The following LMO3 variants were observed in gnomAD, a reference collection of about 807,000 sequenced individuals.
The protein encoded by LMO3 is LIM domain only 3, also known as LIM domain only protein 3.
Under a neutral mutation model 15.8 loss-of-function variants are expected in LMO3, and 2 were observed. The ratio of observed to expected loss-of-function variants is 0.13; its 90% CI spans 0.05 to 0.40. LMO3 has a LOEUF of 0.40. Ranked by LOEUF, LMO3 falls within the 10% of genes least tolerant of loss-of-function variation. The probability of loss-of-function intolerance (pLI) is 0.99; values close to 1 mark genes in which losing one functional copy is unlikely to be tolerated. For missense variants in LMO3, 86 were observed against 182.2 expected (o/e 0.47, Z 3.04); for synonymous variants, 62 against 63.8 (o/e 0.97, Z 0.13).
chr12:16,572,339 CTTTTTT>C (rs59773866), intron 2 of LMO3, among the ~76,000 whole-genome samples: 579 of 89,534 alleles, frequency 6.5e-3, no homozygotes, highest in Non-Finnish European at 7.2e-3. Flanking sequence ...GGTCCAAACT[CTTTTTT>C]TTTTTTTTTT....
intron 1 of LMO3, 124 bp from the exon 2 acceptor site, chr12:16,600,992 T>C (rs1030889139): frequency 5.5e-6 from 4 of 724,532 alleles, no homozygotes; most frequent in Non-Finnish European, 8.7e-6. Flanking sequence ...TTTAGGGCTA[T>C]ACTGAAATCA....
chr12:16,575,248 C>T (rs554243716), intron 2 of LMO3, among the ~76,000 whole-genome samples: 29 of 152,160 alleles, frequency 1.9e-4, no homozygotes, highest in African/African-American at 7.0e-4. Flanking sequence ...AAAATGGAAG[C>T]TTTGTTTATC....
intron 1 of LMO3, 45 bp from the exon 2 acceptor site, chr12:16,600,913 A>G (rs762079154): frequency 2.2e-6 from 3 of 1,341,006 alleles, no homozygotes; most frequent in Admixed American, 3.8e-5. Context: ...ACTACCAGAC[A>G]GAATAAAAAG....
Position 16,605,791 on chromosome 12 carries a change from G to T in LMO3, c.-9+275C>A, listed in dbSNP as rs1158355308. The T allele has an allele frequency of 2.6e-6, 4 of 1,535,436 alleles. No individual in the cohort carries two copies. In the South Asian group the frequency reaches 4.8e-5, roughly 18 times the overall value. ...ACTTGAGACGTTCCGCGCCGCAGCC[G>T]CTCTCCCTCCTTCCATCAACATCTT... On this transcript the variant is annotated intron_variant, in intron 1 of 3. Coordinates refer to ENST00000537304, the MANE Select transcript of LMO3 (RefSeq NM_018640.5).
chr12:16,603,653 A>G lies in LMO3; in HGVS notation c.-9+2413T>C, dbSNP rs935622661. On this transcript the variant is annotated intron_variant, in intron 1 of 3. Transcript: ENST00000537304. The surrounding 1 kb of genome is among the most constrained non-coding windows in gnomAD (Gnocchi z 4.9). ...TAATAGCCTGTGCAGTGTGGTGTGC[A>G]GAAATAAGTAGAACCATTTCATTTA... 1.3e-5 allele frequency among the ~76,000 whole-genome samples: 2 copies of G among 152,234 alleles called. No homozygotes were observed. The highest frequency in any genetic ancestry group is 4.8e-5 in the African/African-American group (2 of 41,468).
intron 2 of LMO3, among the ~76,000 whole-genome samples, chr12:16,562,069 ATATT>A (rs1321167282): frequency 6.6e-6 from 1 of 152,196 alleles, no homozygotes; most frequent in Non-Finnish European, 1.5e-5. Flanking sequence ...TTGATAAATA[ATATT>A]TATTTAAAAA....
At position 16,604,394 on chromosome 12, in the gene LMO3, T is replaced by A. The variant is rs1943922273; in HGVS notation, c.-9+1672A>T. 6.7e-6 allele frequency among the ~76,000 whole-genome samples: 1 copy of A among 150,034 alleles called. No homozygotes were observed. Among genetic ancestry groups the A allele is most frequent in the Admixed American group, 6.6e-5 (1 of 15,064 alleles). ...TTTGAGCAATGGAGCTGGGAACCAATTTGATTCCCTTTTTCTCCAATGCAG... is the reference window on the plus strand; with the variant it reads ...TTTGAGCAATGGAGCTGGGAACCAAATTGATTCCCTTTTTCTCCAATGCAG... On this transcript the variant is annotated intron_variant, in intron 1 of 3. Coordinates refer to ENST00000537304, the MANE Select transcript of LMO3 (RefSeq NM_018640.5). The surrounding 1 kb of genome is among the most constrained non-coding windows in gnomAD (Gnocchi z 5.3).
In LMO3 at chr12:16,586,570, T is replaced by C. The variant is rs770533690; in HGVS notation, c.206+14085A>G. Among the ~76,000 whole-genome samples, 1 of 152,206 alleles carries C rather than the reference T, an allele frequency of 6.6e-6. No homozygotes were observed. Among genetic ancestry groups the C allele is most frequent in the Non-Finnish European group, 1.5e-5 (1 of 68,032 alleles). Reference sequence around the variant, plus strand: ...GGCCAACTGAATTCTGGAGGACATATGCAAAGACACTGCATTTCATCTTTG... The same window carrying C: ...GGCCAACTGAATTCTGGAGGACATACGCAAAGACACTGCATTTCATCTTTG... On this transcript the variant is annotated intron_variant, in intron 2 of 3. Transcript: ENST00000537304. This position sits in a 1 kb window ranked among gnomAD's most constrained non-coding sequence, Gnocchi z 4.3.
At chr12:16,558,341 A>G (rs1942268465) in intron 3 of LMO3, among the ~76,000 whole-genome samples, 1 of 152,036 alleles carries the variant, frequency 6.6e-6, no homozygotes, top group Admixed American at 6.5e-5. Flanking sequence ...TGAATATGTA[A>G]TCTTTTATAA....
At position 16,560,309 on chromosome 12, in the gene LMO3, A is replaced by T. The variant is rs1388474785; in HGVS notation, c.332+104T>A. 19 of 1,274,078 alleles carry T rather than the reference A, an allele frequency of 1.5e-5. No individual in the cohort carries two copies. The highest frequency in any genetic ancestry group is 2.0e-5 in the Non-Finnish European group (19 of 930,272). 78.9% of individuals were successfully genotyped at this position (1,274,078 alleles called of 1,614,324 possible). A position where few individuals can be genotyped will look rare whatever the true frequency, so the allele number is the denominator to read the frequency against. Reference sequence around the variant, plus strand: ...AAGTTTACAGAACAGAAAAACGCTGAGATTGATTGCTTTAAATGTATGAAT... The same window carrying T: ...AAGTTTACAGAACAGAAAAACGCTGTGATTGATTGCTTTAAATGTATGAAT... On this transcript the variant is annotated intron_variant, in intron 3 of 3. Coordinates refer to ENST00000537304, the MANE Select transcript of LMO3 (RefSeq NM_018640.5). This position sits in a 1 kb window ranked among gnomAD's most constrained non-coding sequence, Gnocchi z 5.0.
chr12:16,549,249 A>G lies in LMO3; in HGVS notation c.*1973T>C, dbSNP rs1040947150. The G allele has an allele frequency of 6.6e-6, 1 of 152,120 alleles. No individual in the cohort carries two copies. Among genetic ancestry groups the G allele is most frequent in the Non-Finnish European group, 1.5e-5 (1 of 68,008 alleles). The allele number at this position is 152,120 out of a possible 1,614,324, so 9.4% of individuals were successfully genotyped here. ...TCCTTTCTCTTCATGAAACAAGTGTAAGGCTCTAAGGCTAAAATAATAGTT... is the reference window on the plus strand; with the variant it reads ...TCCTTTCTCTTCATGAAACAAGTGTGAGGCTCTAAGGCTAAAATAATAGTT... On this transcript the variant is annotated 3_prime_UTR_variant, in exon 4 of 4. Transcript: ENST00000537304.
chr12:16,577,861 T>C (rs11609535), intron 2 of LMO3, among the ~76,000 whole-genome samples: 31,995 of 152,120 alleles, frequency 0.21, 3,716 homozygotes, highest in African/African-American at 0.31. Flanking sequence ...TCTAAATGTG[T>C]CACCTAATTA....
Position 16,594,344 on chromosome 12 carries a change from A to G in LMO3, c.206+6311T>C. 4 of 1,360,950 alleles carry G rather than the reference A, an allele frequency of 2.9e-6. No homozygotes were observed. In the Admixed American group the frequency reaches 8.4e-5, roughly 29 times the overall value. The allele number at this position is 1,360,950 out of a possible 1,614,324, so 84.3% of individuals were successfully genotyped here. On this transcript the variant is annotated intron_variant, in intron 2 of 3. Transcript: ENST00000537304. ...TTATAAGCCAATTAAACTAAAAAAT[A>G]AAAAAGAAAGAAAAAGGCCATTTAT...
intron 1 of LMO3, chr12:16,601,881 A>G (rs1217838820): frequency 1.3e-5 from 2 of 152,280 alleles, no homozygotes; most frequent in East Asian, 3.9e-4. Context: ...TTTCCTAGGT[A>G]TTAAAACACC....
At position 16,585,605 on chromosome 12, in the gene LMO3, G is replaced by A. The variant is rs1464311392; in HGVS notation, c.206+15050C>T. Among the ~76,000 whole-genome samples, 1 of 152,078 alleles carries A rather than the reference G, an allele frequency of 6.6e-6. No individual in the cohort carries two copies. Among genetic ancestry groups the A allele is most frequent in the African/African-American group, 2.4e-5 (1 of 41,408 alleles). ...GCATCTCTCATGCATCAGGCCCTAT[G>A]TTCCCACCTGTATTTTCTTTCCGTT... On this transcript the variant is annotated intron_variant, in intron 2 of 3. Coordinates refer to ENST00000537304, the MANE Select transcript of LMO3 (RefSeq NM_018640.5). The surrounding 1 kb of genome is among the most constrained non-coding windows in gnomAD (Gnocchi z 4.7).
intron 3 of LMO3, 77 bp from the exon 4 acceptor site, chr12:16,551,404 A>AT: frequency 1.1e-6 from 1 of 889,966 alleles, no homozygotes; most frequent in South Asian, 1.4e-5. Flanking sequence ...TTATTTTCCT[A>AT]TTAATAGTTT....
rs919861087 is a variant in LMO3 at position 16,599,432 on chromosome 12, A to T, written c.206+1223T>A. 1 of 152,200 alleles carries T rather than the reference A, an allele frequency of 6.6e-6. No individual in the cohort carries two copies. Among genetic ancestry groups the T allele is most frequent in the African/African-American group, 2.4e-5 (1 of 41,450 alleles). 9.4% of individuals were successfully genotyped at this position (152,200 alleles called of 1,614,324 possible). A position where few individuals can be genotyped will look rare whatever the true frequency, so the allele number is the denominator to read the frequency against. On this transcript the variant is annotated intron_variant, in intron 2 of 3. Coordinates refer to ENST00000537304, the MANE Select transcript of LMO3 (RefSeq NM_018640.5). The surrounding 1 kb of genome is among the most constrained non-coding windows in gnomAD (Gnocchi z 4.1). ...ACCATTAATCAAATGATATATTTTT[A>T]TATCTAAAGATTGGATCTGACTGAA...
rs765247718 is a variant in LMO3, at chr12:16,550,174, T to C, written c.*1048A>G. 8 of 152,106 alleles carry C rather than the reference T, an allele frequency of 5.3e-5. No individual in the cohort carries two copies. The highest frequency in any genetic ancestry group is 8.8e-5 in the Non-Finnish European group (6 of 67,942). 9.4% of individuals were successfully genotyped at this position (152,106 alleles called of 1,614,324 possible). A position where few individuals can be genotyped will look rare whatever the true frequency, so the allele number is the denominator to read the frequency against. On this transcript the variant is annotated 3_prime_UTR_variant, in exon 4 of 4. Coordinates refer to ENST00000537304, the MANE Select transcript of LMO3 (RefSeq NM_018640.5). ...ACCATCATAGCTTCAATGTGCATTA[T>C]AGTGATTTCAGTAGATTCACACTCA...
At chr12:16,579,394 G>T (rs1943091425) in intron 2 of LMO3, among the ~76,000 whole-genome samples, 1 of 152,150 alleles carries the variant, frequency 6.6e-6, no homozygotes, top group Non-Finnish European at 1.5e-5. Context: ...CCACTGATGA[G>T]AAACAATTTT....
Sources: gnomAD v4.1 joint callset for allele counts (sites outside exome capture counted in the v4.1 genomes callset) on GRCh38, gnomAD v4.1.1 for gene constraint, Gnocchi (gnomAD v3.1) non-coding constraint, MANE v1.5 for transcripts, NCBI Gene and HGNC (gene_info 2026-07-23, HGNC 2026-07-21) for gene names.